The following CLASP2 variants were observed in gnomAD, a reference collection of about 807,000 sequenced individuals.
The protein encoded by CLASP2 is CLIP-associating protein 2.
CLASP2 carries 47 observed loss-of-function variants against 194.4 expected under a neutral mutation model. That is an observed-to-expected ratio of 0.24 (90% CI 0.19 to 0.31). The LOEUF is 0.31. CLASP2 is among the 10% of genes least tolerant of loss of function. The probability of loss-of-function intolerance (pLI) is 1.00; values close to 1 mark genes in which losing one functional copy is unlikely to be tolerated. For missense variants in CLASP2, 1,445 were observed against 1,823.6 expected (o/e 0.79, Z 3.78); for synonymous variants, 619 against 633.5 (o/e 0.98, Z 0.34).
chr3:33,580,928 A>G (rs975743938), intron 23 of CLASP2, among the ~76,000 whole-genome samples: 18 of 143,776 alleles, frequency 1.3e-4, no homozygotes, highest in Admixed American at 5.1e-4. Context: ...AGGCAGGAGA[A>G]TGGTGTGAAC....
Position 33,573,286 on chromosome 3 carries a change from T to G in CLASP2, c.2523A>C (p.Ala841=), listed in dbSNP as rs147939384. The G allele has an allele frequency of 5.0e-6, 8 of 1,613,956 alleles. No individual in the cohort carries two copies. Among genetic ancestry groups the G allele is most frequent in the Middle Eastern group, 3.3e-4 (2 of 6,062 alleles). The change falls in exon 25 of 39, where the codon GCA becomes GCC. Residue 841 remains alanine, a synonymous_variant. Coordinates refer to ENST00000682230, the MANE Select transcript of CLASP2 (RefSeq NM_001365631.1). The part of the protein sequence containing the change: ...MHSDDDANSD[A]SSACSERSYS... ...AGGAGCGTTCTGAACAAGCACTAGATGCATCGCTGTTGGCGTCATCATCTG... is the reference window on the plus strand; with the variant it reads ...AGGAGCGTTCTGAACAAGCACTAGAGGCATCGCTGTTGGCGTCATCATCTG...
chr3:33,684,506 A>G lies in CLASP2; in HGVS notation c.547-50T>C, dbSNP rs779645077. 2.4e-6 allele frequency: 3 copies of G among 1,241,162 alleles called. No individual in the cohort carries two copies. In the South Asian group the frequency reaches 4.3e-5, roughly 18 times the overall value. The allele number at this position is 1,241,162 out of a possible 1,614,324, so 76.9% of individuals were successfully genotyped here. A position where few individuals can be genotyped will look rare whatever the true frequency, so the allele number is the denominator to read the frequency against. ...AATAAACTTATATATGATACAATAA[A>G]ATACTTCATCTCAAGGTAACATTAC... is the stretch of plus-strand genomic sequence containing the variant. On this transcript the variant is annotated intron_variant, in intron 5 of 38. Transcript: ENST00000682230.
intron 9 of CLASP2, among the ~76,000 whole-genome samples, chr3:33,630,375 T>C (rs1380397294): frequency 6.6e-6 from 1 of 152,100 alleles, no homozygotes; most frequent in Non-Finnish European, 1.5e-5. Flanking sequence ...AGCACTGGAA[T>C]GTTGTCAAGA....
intron 30 of CLASP2, among the ~76,000 whole-genome samples, chr3:33,549,240 C>T (rs2059625798): frequency 1.3e-5 from 2 of 152,182 alleles, no homozygotes; most frequent in African/African-American, 4.8e-5. Context: ...TTGCTTTAAT[C>T]TTGATTACAT....
intron 30 of CLASP2, among the ~76,000 whole-genome samples, chr3:33,547,202 A>G (rs1360102703): frequency 1.3e-5 from 2 of 152,158 alleles, no homozygotes; most frequent in Non-Finnish European, 2.9e-5. Context: ...GACTGGTGGG[A>G]GATAACTGAA....
intron 21 of CLASP2, among the ~76,000 whole-genome samples, chr3:33,591,782 A>G (rs867370143): frequency 3.9e-5 from 6 of 152,224 alleles, no homozygotes; most frequent in African/African-American, 1.4e-4. Flanking sequence ...TTTAACATGA[A>G]TGAAACAGAA....
chr3:33,569,240 T>G (rs897717886), intron 26 of CLASP2, among the ~76,000 whole-genome samples: 1 of 152,206 alleles, frequency 6.6e-6, no homozygotes, highest in Non-Finnish European at 1.5e-5. Context: ...AGCTTTCCTA[T>G]TTGATCTTTT....
At chr3:33,558,077 G>A (rs1167462509) in intron 29 of CLASP2, among the ~76,000 whole-genome samples, 1 of 152,210 alleles carries the variant, frequency 6.6e-6, no homozygotes, top group East Asian at 1.9e-4. Flanking sequence ...CCTCTACTCT[G>A]TGTTTACTTT....
intron 29 of CLASP2, among the ~76,000 whole-genome samples, chr3:33,556,479 A>G (rs927936394): frequency 6.7e-6 from 1 of 149,250 alleles, no homozygotes; most frequent in Non-Finnish European, 1.5e-5. Context: ...TCTGTCATCC[A>G]GGCTAGAGGG....
At chr3:33,631,853 A>T (rs975897604) in intron 9 of CLASP2, among the ~76,000 whole-genome samples, 4 of 103,910 alleles carry the variant, frequency 3.8e-5, no homozygotes, top group East Asian at 5.9e-4. Flanking sequence ...GAAAAAATAT[A>T]AAAAAAAAGC....
intron 2 of CLASP2, among the ~76,000 whole-genome samples, chr3:33,695,665 C>A (rs1481089311): frequency 1.3e-5 from 2 of 152,018 alleles, no homozygotes; most frequent in Non-Finnish European, 2.9e-5. Context: ...ACTGGCCAGG[C>A]ATGGTGGTTC....
At chr3:33,668,873 T>C (rs1254080060) in intron 6 of CLASP2, among the ~76,000 whole-genome samples, 2 of 152,212 alleles carry the variant, frequency 1.3e-5, no homozygotes, top group Admixed American at 6.5e-5. Flanking sequence ...AGTCTTCATC[T>C]GCCAAGTGAC....
At chr3:33,673,260 A>C (rs2087752150) in intron 6 of CLASP2, among the ~76,000 whole-genome samples, 1 of 152,220 alleles carries the variant, frequency 6.6e-6, no homozygotes, top group South Asian at 2.1e-4. Context: ...GAAACTCTAC[A>C]AGCCAGAAGA....
chr3:33,654,692 A>G (rs1194735221), intron 7 of CLASP2, among the ~76,000 whole-genome samples: 16 of 152,134 alleles, frequency 1.1e-4, no homozygotes, highest in Non-Finnish European at 1.5e-5. Flanking sequence ...AAATTTAGTA[A>G]AATTATTAGA....
chr3:33,608,192 T>C lies in CLASP2; in HGVS notation c.1448+375A>G, dbSNP rs374282285. Among the ~76,000 whole-genome samples, 25 of 152,342 alleles carry C rather than the reference T, an allele frequency of 1.6e-4. 1 individual carries two copies. The South Asian group carries it at 4.8e-3, about 29-fold the overall frequency. On this transcript the variant is annotated intron_variant, in intron 14 of 38. Transcript: ENST00000682230. ...GAAACCTCCCAACAAATATCTCTTCTTAAAAATCTCTTTCCTCTGAAAGGA... is the reference window on the plus strand; with the variant it reads ...GAAACCTCCCAACAAATATCTCTTCCTAAAAATCTCTTTCCTCTGAAAGGA...
chr3:33,557,012 C>T (rs2061064479), intron 29 of CLASP2, among the ~76,000 whole-genome samples: 1 of 152,108 alleles, frequency 6.6e-6, no homozygotes, highest in South Asian at 2.1e-4. Flanking sequence ...CTCACTCTGT[C>T]TCCCAAGCTG....
chr3:33,570,540 G>T, intron 26 of CLASP2, 187 bp downstream of exon 26: 1 of 671,876 alleles, frequency 1.5e-6, no homozygotes, highest in Non-Finnish European at 2.5e-6. Flanking sequence ...TCTATCATTG[G>T]AGAAGCTCAA....
chr3:33,626,882 C>T, intron 10 of CLASP2, 106 bp downstream of exon 10: 1 of 629,272 alleles, frequency 1.6e-6, no homozygotes, highest in Non-Finnish European at 2.7e-6. Flanking sequence ...ATCAGACTCT[C>T]TATTTTATAA....
chr3:33,595,071 C>G (rs974366456), intron 19 of CLASP2, 103 bp from the exon 20 acceptor site: 4 of 610,400 alleles, frequency 6.6e-6, no homozygotes, highest in African/African-American at 1.9e-5. Flanking sequence ...AGGGTAAAAA[C>G]AAAAAATTAA....
Sources: gnomAD v4.1 joint callset for allele counts (sites outside exome capture counted in the v4.1 genomes callset) on GRCh38, gnomAD v4.1.1 for gene constraint, MANE v1.5 for transcripts, NCBI Gene and HGNC (gene_info 2026-07-23, HGNC 2026-07-21) for gene names.